The following HTR2C variants were observed in gnomAD, a reference collection of about 807,000 sequenced individuals.
The protein encoded by HTR2C is 5-hydroxytryptamine (serotonin) receptor 2C, G protein-coupled.
Under a neutral mutation model 21.0 loss-of-function variants are expected in HTR2C, and 5 were observed. The observed-to-expected ratio is 0.24, with a 90% CI of 0.12 to 0.50. The LOEUF (loss-of-function observed/expected upper bound fraction) is 0.50. Ranked by LOEUF, HTR2C falls within the 20% of genes least tolerant of loss-of-function variation. HTR2C has a pLI of 0.98. For missense variants in HTR2C, 271 were observed against 371.2 expected, an observed-to-expected ratio of 0.73 and a Z score of 2.22; for synonymous variants, 150 against 145.3, an observed-to-expected ratio of 1.03 and a Z score of -0.23.
chrX:114,704,669 T>A (rs1426407948), intron 2 of HTR2C, among the ~76,000 whole-genome samples: 68 of 111,353 alleles, frequency 6.1e-4, no homozygotes, highest in Non-Finnish European at 8.9e-4. Flanking sequence ...GCCCTCTCTC[T>A]CCACTCCTAT....
At chrX:114,602,990 T>C (rs1395815092) in intron 1 of HTR2C, among the ~76,000 whole-genome samples, 1 of 109,834 alleles carries the variant, frequency 9.1e-6, no homozygotes, top group Non-Finnish European at 1.9e-5. Flanking sequence ...GCTTGTACTA[T>C]AGCATAACCT....
chrX:114,809,071 C>T (rs1291040456), intron 4 of HTR2C, among the ~76,000 whole-genome samples: 1 of 111,191 alleles, frequency 9.0e-6, no homozygotes, highest in Non-Finnish European at 1.9e-5. Context: ...GGCCTGTGTC[C>T]TTCCCTTCAG....
At chrX:114,795,616 T>G (rs1431556245) in intron 4 of HTR2C, among the ~76,000 whole-genome samples, 1 of 111,805 alleles carries the variant, frequency 8.9e-6, no homozygotes, top group Non-Finnish European at 1.9e-5. Context: ...ATTTATTAAA[T>G]AAGGAATCCT....
chrX:114,638,504 T>TTTATTTATTTAC (rs1929943946), intron 2 of HTR2C, among the ~76,000 whole-genome samples: 1 of 107,600 alleles, frequency 9.3e-6, no homozygotes, highest in Non-Finnish European at 1.9e-5. Context: ...AATACGTTTA[T>TTTATTTATTTAC]TTATTTATTT....
At chrX:114,823,437 A>T (rs782214498) in intron 4 of HTR2C, 3 of 343,851 alleles carry the variant, frequency 8.7e-6, no homozygotes, top group South Asian at 7.8e-5. Context: ...ATGGTGCAGC[A>T]GTTCATCTTC....
chrX:114,882,784 C>T lies in HTR2C; in HGVS notation c.551-23805C>T, dbSNP rs185491803. Among the ~76,000 whole-genome samples, 109 of 109,886 alleles carry T rather than the reference C, an allele frequency of 9.9e-4. 1 individual carries two copies. Among genetic ancestry groups the T allele is most frequent in the African/African-American group, 3.5e-3 (106 of 30,504 alleles). Reference sequence around the variant, plus strand: ...TCCATATTCCTAAGAAATATTTATCCGTAGTTTTCTTGTGTTGTCTTCATC... The same window carrying T: ...TCCATATTCCTAAGAAATATTTATCTGTAGTTTTCTTGTGTTGTCTTCATC... On this transcript the variant is annotated intron_variant, in intron 5 of 5. Coordinates refer to ENST00000276198, the MANE Select transcript of HTR2C (RefSeq NM_000868.4).
intron 4 of HTR2C, among the ~76,000 whole-genome samples, chrX:114,833,365 C>T (rs2070748073): frequency 9.3e-6 from 1 of 108,052 alleles, no homozygotes. Flanking sequence ...TTGATTATTG[C>T]CACAATTTCA....
At chrX:114,893,971 C>T (rs1358010978) in intron 5 of HTR2C, among the ~76,000 whole-genome samples, 1 of 111,534 alleles carries the variant, frequency 9.0e-6, no homozygotes, top group Non-Finnish European at 1.9e-5. Context: ...AACTTTAAAA[C>T]CACAATGAGA....
intron 4 of HTR2C, among the ~76,000 whole-genome samples, chrX:114,749,406 G>A (rs1422424387): frequency 2.1e-5 from 2 of 97,395 alleles, no homozygotes; most frequent in Non-Finnish European, 4.1e-5. Flanking sequence ...GTGAGCCGAG[G>A]TCACACCACT....
At chrX:114,840,578 T>C (rs2070825179) in intron 4 of HTR2C, among the ~76,000 whole-genome samples, 1 of 110,925 alleles carries the variant, frequency 9.0e-6, no homozygotes, top group African/African-American at 3.3e-5. Flanking sequence ...ACCCAGAGAA[T>C]GAGAGGGAAA....
chrX:114,876,840 TTTTG>T (rs1460443695), intron 5 of HTR2C, among the ~76,000 whole-genome samples: 11 of 46,541 alleles, frequency 2.4e-4, no homozygotes, highest in Admixed American at 6.9e-4. Context: ...CAGTATGCTA[TTTTG>T]TTTGTTTGTT....
intron 2 of HTR2C, among the ~76,000 whole-genome samples, chrX:114,627,924 A>G (rs1556403257): frequency 8.9e-6 from 1 of 111,980 alleles, no homozygotes; most frequent in Non-Finnish European, 1.9e-5. Flanking sequence ...CTTTCTAAAG[A>G]GTGCAGTGCC....
Position 114,805,914 on chromosome X carries a change from CAT to C in HTR2C, c.350-42079_350-42078del, listed in dbSNP as rs782264652. ...CCATATATATACATCATATATATAC[CAT>C]ATATATATACACCATATATATACCA... On this transcript the variant is annotated intron_variant, in intron 4 of 5. Coordinates refer to ENST00000276198, the MANE Select transcript of HTR2C (RefSeq NM_000868.4). Among the ~76,000 whole-genome samples, 45 of 74,680 alleles carry C rather than the reference CAT, an allele frequency of 6.0e-4. 2 individuals are homozygous for C. Among genetic ancestry groups the C allele is most frequent in the African/African-American group, 1.6e-3 (32 of 20,243 alleles). The allele number at this position is 74,680 out of a possible 115,157, so 64.9% of individuals were successfully genotyped here. A position where few individuals can be genotyped will look rare whatever the true frequency, so the allele number is the denominator to read the frequency against.
At chrX:114,706,515 A>T (rs1331458653) in intron 2 of HTR2C, among the ~76,000 whole-genome samples, 2 of 93,907 alleles carry the variant, frequency 2.1e-5, no homozygotes, top group Non-Finnish European at 4.2e-5. Context: ...CAATGAGAAC[A>T]CACATGGACA....
intron 1 of HTR2C, among the ~76,000 whole-genome samples, chrX:114,602,912 A>G (rs1191606195): frequency 1.9e-5 from 2 of 105,640 alleles, no homozygotes; most frequent in Non-Finnish European, 3.9e-5. Context: ...AACACTGAGA[A>G]GTTATTTCCT....
intron 2 of HTR2C, among the ~76,000 whole-genome samples, chrX:114,639,049 C>T (rs1929982961): frequency 9.0e-6 from 1 of 111,155 alleles, no homozygotes; most frequent in South Asian, 3.8e-4. Flanking sequence ...GAATGGATAA[C>T]CTTAATGATC....
chrX:114,794,122 A>T (rs1301316351), intron 4 of HTR2C, among the ~76,000 whole-genome samples: 7 of 111,397 alleles, frequency 6.3e-5, no homozygotes, highest in Middle Eastern at 4.7e-3. Context: ...TCAGAAAATA[A>T]CATGAAAATA....
intron 5 of HTR2C, among the ~76,000 whole-genome samples, chrX:114,853,426 AAATT>A (rs1556469893): frequency 9.0e-6 from 1 of 111,638 alleles, no homozygotes. Flanking sequence ...TAATGGCAAC[AAATT>A]CTTTCCCCTA....
intron 1 of HTR2C, among the ~76,000 whole-genome samples, chrX:114,600,231 T>C (rs1428229354): frequency 1.8e-5 from 2 of 112,064 alleles, no homozygotes; most frequent in Non-Finnish European, 3.8e-5. Context: ...AACCCATATC[T>C]GTCTAATTAC....
Sources: allele counts gnomAD v4.1 joint callset (sites outside exome capture counted in the v4.1 genomes callset), GRCh38; gene constraint gnomAD v4.1.1; transcripts MANE v1.5; gene names NCBI Gene and HGNC (gene_info 2026-07-23, HGNC 2026-07-21).